Variants in PDGFD observed in about 807,000 individuals in gnomAD.
PDGFD encodes the protein platelet derived growth factor D, also known as platelet-derived growth factor D.
In PDGFD, 30 loss-of-function variants were observed where a neutral mutation model predicts 44.7. That is an observed-to-expected ratio of 0.67 (90% CI 0.50 to 0.91). The LOEUF (loss-of-function observed/expected upper bound fraction) is 0.91, where lower values mean the gene tolerates loss of function less well. Among genes scored for constraint, PDGFD ranks in the 40% least tolerant of loss-of-function variants. The pLI is 0.00. For synonymous variants in PDGFD, 173 were observed against 168.4 expected, an observed-to-expected ratio of 1.03 and a Z score of -0.21; for missense variants, 445 against 457.8, an observed-to-expected ratio of 0.97 and a Z score of 0.25.
chr11:103,942,479 TTC>T (rs1283986387), intron 5 of PDGFD, among the ~76,000 whole-genome samples: 30 of 152,134 alleles, frequency 2.0e-4, no homozygotes, highest in Admixed American at 1.0e-3. Context: ...ACTCATGATG[TTC>T]TCTCTGCCTT....
intron 1 of PDGFD, among the ~76,000 whole-genome samples, chr11:104,093,529 T>C (rs895111745): frequency 6.6e-6 from 1 of 152,116 alleles, no homozygotes. Context: ...CTTTATTGGT[T>C]TGATTTATCA....
chr11:104,118,111 G>A (rs1252667287), intron 1 of PDGFD, among the ~76,000 whole-genome samples: 1 of 151,866 alleles, frequency 6.6e-6, no homozygotes, highest in African/African-American at 2.4e-5. Context: ...CATGTCATCT[G>A]TGAACAAAGA....
chr11:104,120,629 T>A (rs1861764935), intron 1 of PDGFD, among the ~76,000 whole-genome samples: 1 of 151,982 alleles, frequency 6.6e-6, no homozygotes, highest in African/African-American at 2.4e-5. Flanking sequence ...TTTGATGGTA[T>A]TCTTCTCTCC....
intron 1 of PDGFD, among the ~76,000 whole-genome samples, chr11:104,155,706 T>C (rs1278352550): frequency 2.0e-5 from 3 of 152,224 alleles, no homozygotes; most frequent in Non-Finnish European, 1.5e-5. Flanking sequence ...ATTTGTTGCA[T>C]ATTGGTTAGT....
At chr11:104,157,397 T>C (rs1367445571) in intron 1 of PDGFD, among the ~76,000 whole-genome samples, 1 of 152,170 alleles carries the variant, frequency 6.6e-6, no homozygotes, top group African/African-American at 2.4e-5. Context: ...AAACACAGAA[T>C]GGGCCACGTC....
At chr11:104,056,536 G>C (rs1432487173) in intron 1 of PDGFD, among the ~76,000 whole-genome samples, 1 of 152,014 alleles carries the variant, frequency 6.6e-6, no homozygotes, top group Admixed American at 6.6e-5. Flanking sequence ...GCCATGTGAG[G>C]ATAGAAGCAG....
At chr11:104,153,872 T>C (rs1862274212) in intron 1 of PDGFD, among the ~76,000 whole-genome samples, 1 of 151,928 alleles carries the variant, frequency 6.6e-6, no homozygotes, top group Non-Finnish European at 1.5e-5. Flanking sequence ...AGATCGATCC[T>C]CCAGAGAGAA....
chr11:103,991,145 GAA>G (rs11382574), intron 3 of PDGFD, among the ~76,000 whole-genome samples: 1 of 142,134 alleles, frequency 7.0e-6, no homozygotes, highest in African/African-American at 2.5e-5. Flanking sequence ...ACTCAAAAAA[GAA>G]AAAAAAAAAA....
At chr11:104,036,717 A>T in intron 1 of PDGFD, 2 of 858,478 alleles carry the variant, frequency 2.3e-6, no homozygotes, top group South Asian at 1.6e-5. Context: ...GACGGTCCCT[A>T]CCTACCAAGT....
In PDGFD at chr11:103,996,107, G is replaced by A. The variant is rs749001957; in HGVS notation, c.468C>T (p.Tyr156=). 1 of 1,613,646 alleles carries A rather than the reference G, an allele frequency of 6.2e-7. No homozygotes were observed. Among genetic ancestry groups the A allele is most frequent in the African/African-American group, 1.3e-5 (1 of 75,014 alleles). Residue 156 remains tyrosine (Y), a synonymous_variant, in exon 3 of 7, where the codon TAC becomes TAT. Transcript: ENST00000393158. ...TCTTGAATCCAGGTTTAGCCACAAAGTAGTCATCGGACTTGAATGTGATTT... is the reference window on the plus strand; with the variant it reads ...TCTTGAATCCAGGTTTAGCCACAAAATAGTCATCGGACTTGAATGTGATTT... ...QIKITFKSDD[Y]FVAKPGFKIY...
chr11:104,027,213 C>T (rs936131703), intron 1 of PDGFD, among the ~76,000 whole-genome samples: 1 of 152,190 alleles, frequency 6.6e-6, no homozygotes, highest in Non-Finnish European at 1.5e-5. Context: ...ATTTGGTGAT[C>T]AAGATTGTTA....
At chr11:104,092,190 G>A (rs949535958) in intron 1 of PDGFD, among the ~76,000 whole-genome samples, 4 of 152,048 alleles carry the variant, frequency 2.6e-5, no homozygotes, top group Non-Finnish European at 4.4e-5. Context: ...TGACTCCAAA[G>A]GCAAGGATTT....
intron 1 of PDGFD, among the ~76,000 whole-genome samples, chr11:104,084,825 A>ATTT (rs1861104483): frequency 3.4e-5 from 5 of 146,136 alleles, no homozygotes; most frequent in African/African-American, 9.9e-5. Flanking sequence ...TAAAATATAA[A>ATTT]TATAAAATAT....
intron 1 of PDGFD, among the ~76,000 whole-genome samples, chr11:104,143,917 G>T (rs1050967311): frequency 6.6e-6 from 1 of 152,124 alleles, no homozygotes; most frequent in Admixed American, 6.5e-5. Flanking sequence ...CTTAAAACTG[G>T]TTTGTTATTT....
intron 1 of PDGFD, among the ~76,000 whole-genome samples, chr11:104,084,520 T>C (rs1375233041): frequency 1.5e-4 from 23 of 151,834 alleles, no homozygotes; most frequent in Admixed American, 1.4e-3. Flanking sequence ...CTGAAAGGCA[T>C]GCAGGTGGTA....
chr11:104,000,163 A>G lies in PDGFD; in HGVS notation c.217T>C (p.Tyr73His). ...CATGTCAGGAGCAGGTTCCTGGGGT[A>G]GCTGTTCGGGAATCTAGGACTCTGC... is the stretch of plus-strand genomic sequence containing the variant. ...YVQSPRFPNS[Y>H]PRNLLLTWRL... Residue 73 changes from tyrosine (Y) to histidine (H), a missense_variant, in exon 2 of 7, where the codon TAC becomes CAC. Transcript: ENST00000393158. 6.2e-7 allele frequency: 1 copy of G among 1,613,986 alleles called. No individual in the cohort carries two copies. Among genetic ancestry groups the G allele is most frequent in the Non-Finnish European group, 8.5e-7 (1 of 1,179,924 alleles).
chr11:104,120,517 T>G (rs988086198), intron 1 of PDGFD, among the ~76,000 whole-genome samples: 8 of 151,978 alleles, frequency 5.3e-5, no homozygotes, highest in Non-Finnish European at 1.0e-4. Flanking sequence ...TCATTTATCC[T>G]TTTTGTTATT....
At chr11:103,982,148 G>C (rs1437553089) in intron 3 of PDGFD, among the ~76,000 whole-genome samples, 1 of 151,690 alleles carries the variant, frequency 6.6e-6, no homozygotes, top group Non-Finnish European at 1.5e-5. Context: ...GCAGCTAAGG[G>C]CCCTTGGTAT....
intron 1 of PDGFD, among the ~76,000 whole-genome samples, chr11:104,065,275 T>A (rs1860772671): frequency 6.6e-6 from 1 of 152,160 alleles, no homozygotes; most frequent in African/African-American, 2.4e-5. Flanking sequence ...TATACATCTA[T>A]CCTATTATTT....
Sources: gnomAD v4.1 joint callset for allele counts (sites outside exome capture counted in the v4.1 genomes callset) on GRCh38, gnomAD v4.1.1 for gene constraint, MANE v1.5 for transcripts, NCBI Gene and HGNC (gene_info 2026-07-23, HGNC 2026-07-21) for gene names.